The following C16orf95 variants were observed in gnomAD, a reference collection of about 807,000 sequenced individuals.
C16orf95 encodes uncharacterized protein C16orf95.
Under a neutral mutation model 32.1 loss-of-function variants are expected in C16orf95, and 41 were observed. The observed-to-expected ratio is 1.28, with a 90% CI of 1.00 to 1.66. The LOEUF is 1.66. Ranked by LOEUF, C16orf95 falls within the 40% of genes most tolerant of loss-of-function variation. The pLI, the probability that C16orf95 is intolerant of heterozygous loss-of-function variation, is 0.00. For missense variants in C16orf95, 399 were observed against 325.9 expected, an observed-to-expected ratio of 1.22 and a Z score of -1.73; for synonymous variants, 147 against 128.9, an observed-to-expected ratio of 1.14 and a Z score of -0.95.
At chr16:87,306,894 G>A (rs539964072) in intron 5 of C16orf95, among the ~76,000 whole-genome samples, 1 of 152,308 alleles carries the variant, frequency 6.6e-6, no homozygotes, top group East Asian at 1.9e-4. Flanking sequence ...ACCAGATGAT[G>A]CATGTCAACT....
At chr16:87,313,602 G>A (rs1911379342) in intron 3 of C16orf95, among the ~76,000 whole-genome samples, 1 of 152,038 alleles carries the variant, frequency 6.6e-6, no homozygotes, top group South Asian at 2.1e-4. Flanking sequence ...TCGTATGGTG[G>A]TGCACGCCTG....
chr16:87,305,642 G>C lies in C16orf95; in HGVS notation c.701+77C>G, dbSNP rs1910984634. On this transcript the variant is annotated intron_variant, in intron 6 of 6. Coordinates refer to ENST00000567970, the MANE Select transcript of C16orf95 (RefSeq NM_001195124.3). This position sits in a 1 kb window ranked among gnomAD's most constrained non-coding sequence, Gnocchi z 4.2. ...CCACCCCCCACTCTTCCACATCCCT[G>C]ATGGCCACCAAGCCTCCCTCAGGTG... 1 of 1,328,474 alleles carries C rather than the reference G, an allele frequency of 7.5e-7. No homozygotes were observed. The allele number at this position is 1,328,474 out of a possible 1,614,324, so 82.3% of individuals were successfully genotyped here. A position where few individuals can be genotyped will look rare whatever the true frequency, so the allele number is the denominator to read the frequency against.
intron 3 of C16orf95, among the ~76,000 whole-genome samples, chr16:87,313,347 G>C (rs570432323): frequency 6.6e-6 from 1 of 152,194 alleles, no homozygotes. Context: ...GAAGAGAAGA[G>C]GGTTCAGAAA....
chr16:87,310,626 G>A (rs1335269969), intron 4 of C16orf95, among the ~76,000 whole-genome samples: 3 of 152,202 alleles, frequency 2.0e-5, no homozygotes, highest in Non-Finnish European at 2.9e-5. Context: ...ACCTGCTGCC[G>A]CTGCCCAGAA....
At chr16:87,309,892 T>C (rs1307015113) in intron 5 of C16orf95, among the ~76,000 whole-genome samples, 2 of 152,234 alleles carry the variant, frequency 1.3e-5, no homozygotes, top group Non-Finnish European at 2.9e-5. Flanking sequence ...GCCATGAATA[T>C]ATGAATGTAT....
chr16:87,317,034 C>A (rs1015950175), intron 1 of C16orf95, 57 bp downstream of exon 1: 15 of 1,459,484 alleles, frequency 1.0e-5, no homozygotes, highest in Non-Finnish European at 1.4e-5. Context: ...AATGCCGGGC[C>A]GGGAACTCAC....
rs1910827966 is a variant in C16orf95, at chr16:87,302,920, G to C, written c.*137C>G. On this transcript the variant is annotated 3_prime_UTR_variant, in exon 7 of 7. Coordinates refer to ENST00000567970, the MANE Select transcript of C16orf95 (RefSeq NM_001195124.3). ...AGAATCACCTGATGAGAAATCATTT[G>C]GGTTGAATCCTGGGTGTGGATTCTG... is the stretch of plus-strand genomic sequence containing the variant. The C allele has an allele frequency of 1.1e-6, 1 of 872,174 alleles. No individual in the cohort carries two copies. Among genetic ancestry groups the C allele is most frequent in the Admixed American group, 2.1e-5 (1 of 48,400 alleles). 54.0% of individuals were successfully genotyped at this position (872,174 alleles called of 1,614,324 possible).
intron 5 of C16orf95, among the ~76,000 whole-genome samples, 182 bp downstream of exon 5, chr16:87,310,115 G>A (rs914940893): frequency 6.6e-6 from 1 of 152,298 alleles, no homozygotes; most frequent in Non-Finnish European, 1.5e-5. Flanking sequence ...GGGCTCACTG[G>A]GGGAAGGCAG....
intron 6 of C16orf95, among the ~76,000 whole-genome samples, chr16:87,303,947 G>A (rs1910880218): frequency 6.6e-6 from 1 of 152,104 alleles, no homozygotes; most frequent in Non-Finnish European, 1.5e-5. Flanking sequence ...AGTAATTTGA[G>A]CCTGAGGCCA....
At chr16:87,314,503 G>A (rs1904302601) in intron 3 of C16orf95, among the ~76,000 whole-genome samples, 1 of 152,192 alleles carries the variant, frequency 6.6e-6, no homozygotes, top group Non-Finnish European at 1.5e-5. Context: ...GCCTGGGGAT[G>A]TCAGGGTATG....
At position 87,311,222 on chromosome 16, in the gene C16orf95, G is replaced by T. The variant is rs1286967554; in HGVS notation, c.405C>A (p.Gly135=). 2 of 1,535,864 alleles carry T rather than the reference G, an allele frequency of 1.3e-6. No individual in the cohort carries two copies. The highest frequency in any genetic ancestry group is 3.9e-5 in the Admixed American group (2 of 51,000). ...CCTGGTCCCTAGGCATCGGGAGGCG[G>T]CCCCCAAAGCGGTGGCATAGGCAGG... ...MCPCLCHRFG[G]RLPMPRDQAV... is the part of the protein sequence containing the mutation. The change falls in exon 4 of 7, where the codon GGC becomes GGA. Residue 135 remains glycine (G), a synonymous_variant. Transcript: ENST00000567970.
intron 5 of C16orf95, among the ~76,000 whole-genome samples, chr16:87,307,392 A>G (rs1211215557): frequency 2.6e-5 from 4 of 152,246 alleles, no homozygotes; most frequent in Non-Finnish European, 5.9e-5. Flanking sequence ...GGTCACAGAC[A>G]CACAAATACA....
rs967484136 is a variant in C16orf95, at chr16:87,311,131, G to A, written c.477+19C>T. The A allele has an allele frequency of 1.3e-6, 2 of 1,501,100 alleles. No individual in the cohort carries two copies. Among genetic ancestry groups the A allele is most frequent in the Non-Finnish European group, 1.8e-6 (2 of 1,123,004 alleles). The allele number at this position is 1,501,100 out of a possible 1,614,324, so 93.0% of individuals were successfully genotyped here. A position where few individuals can be genotyped will look rare whatever the true frequency, so the allele number is the denominator to read the frequency against. On this transcript the variant is annotated intron_variant, in intron 4 of 6. Coordinates refer to ENST00000567970, the MANE Select transcript of C16orf95 (RefSeq NM_001195124.3). ...ACCTCACTCTTCAGTTCTCACTGCAGTGTGCGCCTCCTCCTTACCTGCTGC... is the reference window on the plus strand; with the variant it reads ...ACCTCACTCTTCAGTTCTCACTGCAATGTGCGCCTCCTCCTTACCTGCTGC...
intron 6 of C16orf95, among the ~76,000 whole-genome samples, chr16:87,304,952 T>C (rs1330717367): frequency 1.3e-5 from 2 of 152,208 alleles, no homozygotes; most frequent in Admixed American, 6.5e-5. Flanking sequence ...AATTCGACTG[T>C]GTGTGTGCGT....
chr16:87,316,975 T>C (rs921354784), intron 1 of C16orf95, 116 bp downstream of exon 1: 3 of 1,384,312 alleles, frequency 2.2e-6, no homozygotes, highest in Admixed American at 3.3e-5. Context: ...GTAAGTGAGG[T>C]TCCTGTGGGT....
intron 3 of C16orf95, among the ~76,000 whole-genome samples, chr16:87,313,414 G>C (rs1313370701): frequency 1.3e-5 from 2 of 152,178 alleles, no homozygotes; most frequent in Non-Finnish European, 1.5e-5. Context: ...TAAAGGAATA[G>C]CTGAGGCAGT....
Position 87,305,773 on chromosome 16 carries a change from G to A in C16orf95, c.647C>T (p.Pro216Leu). 1 of 1,518,774 alleles carries A rather than the reference G, an allele frequency of 6.6e-7. No individual in the cohort carries two copies. Among genetic ancestry groups the A allele is most frequent in the South Asian group, 1.2e-5 (1 of 83,108 alleles). The allele number at this position is 1,518,774 out of a possible 1,614,324, so 94.1% of individuals were successfully genotyped here. ...QLPAPAARLL[P>L]LGLLTLLQAI... is the part of the protein sequence containing the mutation. Reference sequence around the variant, plus strand: ...CTGGAGGAGGGTCAGGAGGCCGAGGGGCAGCAGACGCGCTGCAGGAGCCGG... The same window carrying A: ...CTGGAGGAGGGTCAGGAGGCCGAGGAGCAGCAGACGCGCTGCAGGAGCCGG... Residue 216 changes from proline to leucine, a missense_variant, in exon 6 of 7, where the codon CCC (proline) becomes CTC (leucine). Pro to Leu is a moderately conservative substitution (Grantham distance 98). Transcript: ENST00000567970. The surrounding 1 kb of genome is among the most constrained non-coding windows in gnomAD (Gnocchi z 4.2).
intron 3 of C16orf95, 117 bp from the exon 4 acceptor site, chr16:87,311,413 G>A (rs1911280896): frequency 3.6e-6 from 4 of 1,117,032 alleles, no homozygotes; most frequent in Non-Finnish European, 5.0e-6. Flanking sequence ...TAGTATCAGG[G>A]CAGGCCCTGG....
At chr16:87,309,094 A>T (rs925343328) in intron 5 of C16orf95, among the ~76,000 whole-genome samples, 1 of 152,154 alleles carries the variant, frequency 6.6e-6, no homozygotes, top group African/African-American at 2.4e-5. Flanking sequence ...CTGTCACCAT[A>T]AACTTGTCAT....
Sources: allele counts gnomAD v4.1 joint callset (sites outside exome capture counted in the v4.1 genomes callset), GRCh38; gene constraint gnomAD v4.1.1; non-coding constraint Gnocchi (gnomAD v3.1); transcripts MANE v1.5; gene names NCBI Gene and HGNC (gene_info 2026-07-23, HGNC 2026-07-21).